YKT6: variants seen among roughly 807,000 people sequenced by gnomAD.
YKT6 encodes the protein YKT6 vesicular SNARE protein, also known as synaptobrevin homolog YKT6.
YKT6 carries 12 observed loss-of-function variants against 29.3 expected under a neutral mutation model. That is an observed-to-expected ratio of 0.41 (90% CI 0.26 to 0.66). The LOEUF is 0.66. Among genes scored for constraint, YKT6 ranks in the 30% least tolerant of loss-of-function variants. The pLI, the probability that YKT6 is intolerant of heterozygous loss-of-function variation, is 0.32. For synonymous variants in YKT6, 86 were observed against 94.3 expected (o/e 0.91, Z 0.51); for missense variants, 188 against 243.8 (o/e 0.77, Z 1.52).
intron 2 of YKT6, among the ~76,000 whole-genome samples, chr7:44,205,483 T>TTCC (rs1012757953): frequency 6.6e-6 from 1 of 152,204 alleles, no homozygotes; most frequent in Non-Finnish European, 1.5e-5. Context: ...CCCTGTCCTC[T>TTCC]TCCTCCTCCT....
chr7:44,209,793 A>C (rs1410280422), intron 5 of YKT6, among the ~76,000 whole-genome samples: 2 of 152,168 alleles, frequency 1.3e-5, no homozygotes, highest in African/African-American at 4.8e-5. Flanking sequence ...GGCTCTTGTG[A>C]GGTCTCCATC....
intron 2 of YKT6, among the ~76,000 whole-genome samples, chr7:44,205,921 G>C (rs1473148832): frequency 6.6e-6 from 1 of 152,178 alleles, no homozygotes; most frequent in South Asian, 2.1e-4. Flanking sequence ...GCCCTGGGGG[G>C]TAATTTCCTG....
intron 2 of YKT6, 124 bp downstream of exon 2, chr7:44,204,774 C>T (rs2096339187): frequency 1.2e-6 from 1 of 815,668 alleles, no homozygotes; most frequent in Non-Finnish European, 1.9e-6. Flanking sequence ...CTCTCTTTCC[C>T]ACCTCTTCCT....
chr7:44,202,752 C>A (rs2096337160), intron 1 of YKT6, among the ~76,000 whole-genome samples: 1 of 152,222 alleles, frequency 6.6e-6, no homozygotes, highest in Non-Finnish European at 1.5e-5. Flanking sequence ...CTCTTCAAGA[C>A]CCTGCTCGCA....
chr7:44,211,900 G>A lies in YKT6; in HGVS notation c.562-347G>A, dbSNP rs181107772. 3.8e-3 allele frequency among the ~76,000 whole-genome samples: 573 copies of A among 152,328 alleles called. 5 individuals are homozygous for A. Among genetic ancestry groups the A allele is most frequent in the African/African-American group, 0.013 (543 of 41,554 alleles). On this transcript the variant is annotated intron_variant, in intron 6 of 6. Transcript: ENST00000223369. ...ATAGCATTGTGTGAAGACAGGAGTG[G>A]GGCAAAGTTAAGATATTCTGCCAAT...
intron 1 of YKT6, 131 bp from the exon 2 acceptor site, chr7:44,204,437 T>G: frequency 2.8e-6 from 2 of 716,294 alleles, no homozygotes; most frequent in Non-Finnish European, 4.7e-6. Context: ...TGTTTGTTAC[T>G]AGGGATGGGA....
chr7:44,212,566 T>G lies in YKT6; in HGVS notation c.*284T>G, dbSNP rs1351863046. Reference sequence around the variant, plus strand: ...GGCTTCTGTAGATGCCAAAGGGCTCTTTTTCAGCTAACCCTGGGAAGGCTC... The same window carrying G: ...GGCTTCTGTAGATGCCAAAGGGCTCGTTTTCAGCTAACCCTGGGAAGGCTC... On this transcript the variant is annotated 3_prime_UTR_variant, in exon 7 of 7. Coordinates refer to ENST00000223369, the MANE Select transcript of YKT6 (RefSeq NM_006555.4). The G allele has an allele frequency of 2.4e-6, 1 of 418,814 alleles. No individual in the cohort carries two copies. Among genetic ancestry groups the G allele is most frequent in the Non-Finnish European group, 4.2e-6 (1 of 235,536 alleles). 25.9% of individuals were successfully genotyped at this position (418,814 alleles called of 1,614,324 possible).
At chr7:44,207,146 C>T (rs1458136300) in intron 3 of YKT6, among the ~76,000 whole-genome samples, 1 of 152,176 alleles carries the variant, frequency 6.6e-6, no homozygotes, top group Non-Finnish European at 1.5e-5. Context: ...TGAGGTTCAT[C>T]TCGGGCTGGG....
chr7:44,207,520 A>G, intron 4 of YKT6, 28 bp downstream of exon 4: 1 of 1,602,096 alleles, frequency 6.2e-7, no homozygotes, highest in South Asian at 1.1e-5. Flanking sequence ...TTCAGCAGAC[A>G]CCATGTGGCC....
At position 44,207,428 on chromosome 7, in the gene YKT6, G is replaced by C. The variant is rs1014962983; in HGVS notation, c.329G>C (p.Trp110Ser). 1 of 1,614,060 alleles carries C rather than the reference G, an allele frequency of 6.2e-7. No homozygotes were observed. The change falls in exon 4 of 7, where the codon TGG becomes TCG. Residue 110 changes from tryptophan to serine, a missense_variant. Transcript: ENST00000223369. Reference sequence around the variant, plus strand: ...TCCAAGCAAGTCGACAGGATAGACTGGCCAGTAGGATCCCCTGCTACAATC... The same window carrying C: ...TCCAAGCAAGTCGACAGGATAGACTCGCCAGTAGGATCCCCTGCTACAATC... Reference protein sequence around the residue: ...EFSKQVDRIDWPVGSPATIHY... With the variant: ...EFSKQVDRIDSPVGSPATIHY...
At chr7:44,209,991 T>C (rs945074068) in intron 5 of YKT6, among the ~76,000 whole-genome samples, 1 of 152,126 alleles carries the variant, frequency 6.6e-6, no homozygotes, top group Non-Finnish European at 1.5e-5. Context: ...AAAAGGAAAA[T>C]AGGTAGAATT....
At chr7:44,210,023 T>G (rs1157076462) in intron 5 of YKT6, among the ~76,000 whole-genome samples, 1 of 152,256 alleles carries the variant, frequency 6.6e-6, no homozygotes, top group African/African-American at 2.4e-5. Context: ...TATATTTTAC[T>G]TAACGCAGTA....
chr7:44,207,265 CT>C, intron 3 of YKT6, 122 bp from the exon 4 acceptor site: 1 of 663,644 alleles, frequency 1.5e-6, no homozygotes, highest in Non-Finnish European at 2.5e-6. Context: ...CTCATTCCTC[CT>C]TCCTGGGCTG....
intron 5 of YKT6, 87 bp downstream of exon 5, chr7:44,208,285 TTAATA>T: frequency 2.1e-6 from 3 of 1,441,990 alleles, no homozygotes; most frequent in Non-Finnish European, 2.9e-6. Context: ...CATCCTCGTT[TTAATA>T]TAATAGTAAC....
intron 6 of YKT6, among the ~76,000 whole-genome samples, chr7:44,212,017 A>G (rs1320730429): frequency 1.3e-5 from 2 of 152,218 alleles, no homozygotes; most frequent in African/African-American, 2.4e-5. Context: ...GTGAGAAAAG[A>G]AAGGAAAAAG....
intron 1 of YKT6, among the ~76,000 whole-genome samples, 155 bp from the exon 2 acceptor site, chr7:44,204,413 G>A (rs1482340406): frequency 6.6e-6 from 1 of 152,174 alleles, no homozygotes; most frequent in Non-Finnish European, 1.5e-5. Context: ...CAGTATTTGT[G>A]CTCATTTATA....
Position 44,210,709 on chromosome 7 carries a change from T to C in YKT6, c.460-314T>C, listed in dbSNP as rs1171380759. 1.2e-5 allele frequency: 5 copies of C among 426,174 alleles called. No individual in the cohort carries two copies. The East Asian group carries it at 3.2e-4, about 28-fold the overall frequency. 26.4% of individuals were successfully genotyped at this position (426,174 alleles called of 1,614,324 possible). On this transcript the variant is annotated intron_variant, in intron 5 of 6. Coordinates refer to ENST00000223369, the MANE Select transcript of YKT6 (RefSeq NM_006555.4). ...ACACACACACACACACAAATGTATA[T>C]ATAAATGTGTGTGTATATATATATA...
In YKT6 at chr7:44,212,342, C is replaced by T. The variant is rs2096347741; in HGVS notation, c.*60C>T. 5 of 1,593,546 alleles carry T rather than the reference C, an allele frequency of 3.1e-6. No homozygotes were observed. The highest frequency in any genetic ancestry group is 2.2e-5 in the South Asian group (2 of 89,908). ...CCATCATTCACATCAGAACTGCAGCCCCTGGAAAAGAAGAGACAGCCATAG... is the reference window on the plus strand; with the variant it reads ...CCATCATTCACATCAGAACTGCAGCTCCTGGAAAAGAAGAGACAGCCATAG... On this transcript the variant is annotated 3_prime_UTR_variant, in exon 7 of 7. Coordinates refer to ENST00000223369, the MANE Select transcript of YKT6 (RefSeq NM_006555.4).
rs1460636013 is a variant in YKT6, at chr7:44,201,158, T to G, written c.23T>G (p.Val8Gly). Residue 8 changes from valine to glycine, a missense_variant, in exon 1 of 7, where the codon GTC (valine) becomes GGC (glycine). By Grantham distance (109) the Val-to-Gly change is moderately radical (BLOSUM62 -3). Transcript: ENST00000223369. ...GCCATGAAGCTGTACAGCCTCAGCG[T>G]CCTCTACAAAGGCGAGGCCAAGGTG... MKLYSLS[V>G]LYKGEAKVVL... 2 of 1,610,332 alleles carry G rather than the reference T, an allele frequency of 1.2e-6. No homozygotes were observed. The highest frequency in any genetic ancestry group is 1.7e-6 in the Non-Finnish European group (2 of 1,178,256).
Sources: gnomAD v4.1 joint callset for allele counts (sites outside exome capture counted in the v4.1 genomes callset) on GRCh38, gnomAD v4.1.1 for gene constraint, MANE v1.5 for transcripts, NCBI Gene and HGNC (gene_info 2026-07-23, HGNC 2026-07-21) for gene names.